The following RALYL variants were observed in gnomAD, a reference collection of about 807,000 sequenced individuals.
The protein encoded by RALYL is RNA-binding Raly-like protein.
A neutral mutation model predicts 35.1 loss-of-function variants in RALYL; 29 were observed. That is an observed-to-expected ratio of 0.83 (90% confidence interval 0.61 to 1.13). The LOEUF (loss-of-function observed/expected upper bound fraction) is 1.13, where lower values mean the gene tolerates loss of function less well. RALYL is among the 50% of genes most tolerant of loss of function. RALYL has a pLI of 0.00. For synonymous variants in RALYL, 120 were observed against 127.6 expected (o/e 0.94, Z 0.40); for missense variants, 359 against 360.4 (o/e 1.00, Z 0.03).
At chr8:84,384,040 C>T (rs1047496799) in intron 1 of RALYL, among the ~76,000 whole-genome samples, 6 of 151,710 alleles carry the variant, frequency 4.0e-5, no homozygotes, top group East Asian at 1.9e-4. Context: ...ACACAGTTTT[C>T]GCCTCTTTAA....
At chr8:84,762,619 T>C (rs772998981) in intron 2 of RALYL, among the ~76,000 whole-genome samples, 1 of 152,182 alleles carries the variant, frequency 6.6e-6, no homozygotes, top group Non-Finnish European at 1.5e-5. Context: ...CAGAATATGA[T>C]GTTTGGAGTG....
chr8:84,418,531 C>G (rs2045023130), intron 1 of RALYL, among the ~76,000 whole-genome samples: 1 of 151,948 alleles, frequency 6.6e-6, no homozygotes, highest in South Asian at 2.1e-4. Context: ...TTTATTTACT[C>G]CTTTCTTTAT....
intron 1 of RALYL, among the ~76,000 whole-genome samples, chr8:84,209,393 C>T (rs72696317): frequency 6.6e-6 from 1 of 152,128 alleles, no homozygotes; most frequent in Non-Finnish European, 1.5e-5. Flanking sequence ...TAGAATCAGA[C>T]ATATCTAGAC....
chr8:84,569,040 T>G (rs1318661027), intron 2 of RALYL, among the ~76,000 whole-genome samples: 1 of 149,930 alleles, frequency 6.7e-6, no homozygotes, highest in Non-Finnish European at 1.5e-5. Flanking sequence ...GTGCAGAAGC[T>G]CTTTAGTTTA....
intron 1 of RALYL, among the ~76,000 whole-genome samples, chr8:84,454,327 A>G (rs532167343): frequency 7.2e-6 from 1 of 139,288 alleles, no homozygotes; most frequent in Non-Finnish European, 1.7e-5. Flanking sequence ...GAGGTAGGGC[A>G]AACCTTTTTT....
intron 2 of RALYL, among the ~76,000 whole-genome samples, chr8:84,601,702 TC>T (rs375493511): frequency 2.3e-3 from 353 of 152,084 alleles, no homozygotes; most frequent in African/African-American, 5.3e-3. Context: ...GCTGTCTTCC[TC>T]CCATGTTTAT....
At chr8:84,186,057 T>C (rs1339409268) in intron 1 of RALYL, among the ~76,000 whole-genome samples, 2 of 152,244 alleles carry the variant, frequency 1.3e-5, no homozygotes, top group Non-Finnish European at 2.9e-5. Context: ...CATTTCATTG[T>C]ATTTCCTGGC....
At chr8:84,507,081 A>C (rs2134333038) in intron 1 of RALYL, among the ~76,000 whole-genome samples, 1 of 152,198 alleles carries the variant, frequency 6.6e-6, no homozygotes, top group South Asian at 2.1e-4. Flanking sequence ...AATTGACAAT[A>C]GTAGAGTTTT....
At chr8:84,280,518 A>C (rs1417704004) in intron 1 of RALYL, among the ~76,000 whole-genome samples, 1 of 151,994 alleles carries the variant, frequency 6.6e-6, no homozygotes, top group African/African-American at 2.4e-5. Context: ...TAGGGAGTTG[A>C]AAAATTTCAG....
intron 4 of RALYL, among the ~76,000 whole-genome samples, chr8:84,840,123 A>T (rs1832893497): frequency 6.6e-6 from 1 of 152,228 alleles, no homozygotes; most frequent in Admixed American, 6.5e-5. Context: ...ACAGGGAATG[A>T]CTTTGACGAG....
intron 2 of RALYL, among the ~76,000 whole-genome samples, chr8:84,544,807 T>C (rs904931643): frequency 6.6e-6 from 1 of 152,034 alleles, no homozygotes; most frequent in Non-Finnish European, 1.5e-5. Context: ...CATATATCCA[T>C]ATATTTGGAA....
At chr8:84,556,681 T>C (rs976434279) in intron 2 of RALYL, among the ~76,000 whole-genome samples, 5 of 152,212 alleles carry the variant, frequency 3.3e-5, no homozygotes, top group African/African-American at 9.6e-5. Flanking sequence ...CTTTGGCTAA[T>C]AGAACACAAG....
intron 1 of RALYL, among the ~76,000 whole-genome samples, chr8:84,252,880 C>G (rs1830467953): frequency 6.6e-6 from 1 of 152,068 alleles, no homozygotes; most frequent in Non-Finnish European, 1.5e-5. Context: ...GCCATGTGTT[C>G]TGCTGTTTTC....
At chr8:84,912,368 T>C (rs142945128) in intron 8 of RALYL, among the ~76,000 whole-genome samples, 6 of 152,152 alleles carry the variant, frequency 3.9e-5, no homozygotes, top group African/African-American at 1.4e-4. Flanking sequence ...CAAAAATATA[T>C]ATTCCTTATT....
intron 1 of RALYL, among the ~76,000 whole-genome samples, chr8:84,330,320 A>G (rs764845152): frequency 1.9e-4 from 29 of 152,034 alleles, no homozygotes; most frequent in Non-Finnish European, 3.7e-4. Context: ...GTGTTTGACA[A>G]TATATACTAC....
chr8:84,834,003 C>A (rs1831456851), intron 4 of RALYL, among the ~76,000 whole-genome samples: 1 of 151,994 alleles, frequency 6.6e-6, no homozygotes, highest in African/African-American at 2.4e-5. Flanking sequence ...TAGTCTCCAC[C>A]ATAAAGAGCT....
chr8:84,596,853 C>G (rs1218650695), intron 2 of RALYL, among the ~76,000 whole-genome samples: 1 of 151,962 alleles, frequency 6.6e-6, no homozygotes, highest in Non-Finnish European at 1.5e-5. Flanking sequence ...TTCCTTCTAT[C>G]CTGGGACTTG....
At chr8:84,898,951 C>T (rs550434292) in intron 8 of RALYL, among the ~76,000 whole-genome samples, 11 of 152,194 alleles carry the variant, frequency 7.2e-5, no homozygotes, top group South Asian at 4.1e-4. Flanking sequence ...GATTTAAAAC[C>T]GTTTGAGCCA....
chr8:84,830,800 A>C (rs933179041), intron 4 of RALYL, among the ~76,000 whole-genome samples: 10 of 152,202 alleles, frequency 6.6e-5, no homozygotes, highest in African/African-American at 1.7e-4. Context: ...TAGAAACTAA[A>C]GAATATTAGA....
Sources: gnomAD v4.1 joint callset for allele counts (sites outside exome capture counted in the v4.1 genomes callset) on GRCh38, gnomAD v4.1.1 for gene constraint, MANE v1.5 for transcripts, NCBI Gene and HGNC (gene_info 2026-07-23, HGNC 2026-07-21) for gene names.